Variants in TRAPPC9 observed in about 807,000 individuals in gnomAD.
TRAPPC9 encodes IKK2 binding protein.
In TRAPPC9, 83 loss-of-function variants were observed where a neutral mutation model predicts 124.0. The ratio of observed to expected loss-of-function variants is 0.67; its 90% CI spans 0.56 to 0.80. The LOEUF (loss-of-function observed/expected upper bound fraction) is 0.80. Ranked by LOEUF, TRAPPC9 falls within the 30% of genes least tolerant of loss-of-function variation. The pLI is 0.00. For missense variants in TRAPPC9, 1,302 were observed against 1,508.3 expected (o/e 0.86, Z 2.27); for synonymous variants, 638 against 617.5 (o/e 1.03, Z -0.49).
chr8:140,264,085 A>T (rs2064529586), intron 15 of TRAPPC9, among the ~76,000 whole-genome samples: 1 of 152,224 alleles, frequency 6.6e-6, no homozygotes, highest in African/African-American at 2.4e-5. Context: ...ATTATTTTTA[A>T]GAAAAGAATT....
chr8:139,791,120 C>A (rs542700269), intron 21 of TRAPPC9, among the ~76,000 whole-genome samples: 4 of 152,128 alleles, frequency 2.6e-5, no homozygotes, highest in African/African-American at 9.7e-5. Flanking sequence ...AAGGAAGGCA[C>A]GGGGCTCCCA....
intron 21 of TRAPPC9, 50 bp downstream of exon 21, chr8:139,885,829 G>A: frequency 6.6e-7 from 1 of 1,524,850 alleles, no homozygotes. Context: ...TGCATTTGGA[G>A]AAAAGGAGCA....
chr8:140,073,837 T>C, intron 17 of TRAPPC9, among the ~76,000 whole-genome samples: 1 of 152,220 alleles, frequency 6.6e-6, no homozygotes, highest in East Asian at 1.9e-4. Flanking sequence ...CCTCACATTC[T>C]TCTGTTTACT....
rs1413727309 is a variant in TRAPPC9 at position 140,397,077 on chromosome 8, AAACT to A, written c.1134+539_1134+542del. Among the ~76,000 whole-genome samples the A allele has an allele frequency of 4.6e-5, 7 of 152,356 alleles. No homozygotes were observed. The East Asian group carries it at 5.8e-4, about 13-fold the overall frequency. On this transcript the variant is annotated intron_variant, in intron 7 of 22. Transcript: ENST00000438773. ...TTCCCTATCTATAAAGATCCAAGTT[AAACT>A]AACTAAATATCTAAAATCCTTCTAA...
At chr8:139,966,447 C>A (rs1178602366) in intron 19 of TRAPPC9, among the ~76,000 whole-genome samples, 1 of 152,214 alleles carries the variant, frequency 6.6e-6, no homozygotes, top group Non-Finnish European at 1.5e-5. Flanking sequence ...GCTCCTGCAG[C>A]GGTGGGGCTC....
At chr8:140,391,883 C>T (rs912489460) in intron 7 of TRAPPC9, among the ~76,000 whole-genome samples, 8 of 151,596 alleles carry the variant, frequency 5.3e-5, no homozygotes, top group Admixed American at 3.9e-4. Context: ...AAAAATTAGC[C>T]GGGTGTGGTG....
chr8:139,933,832 G>A (rs913441969), intron 19 of TRAPPC9: 6 of 152,196 alleles, frequency 3.9e-5, no homozygotes, highest in African/African-American at 1.4e-4. Context: ...ACGTAGCCGT[G>A]TGAGCTCCGG....
chr8:139,935,549 G>A (rs1833454183), intron 19 of TRAPPC9, among the ~76,000 whole-genome samples: 1 of 152,160 alleles, frequency 6.6e-6, no homozygotes. Context: ...ATAAAAAAGA[G>A]AGAAGAGGAT....
At chr8:139,819,190 C>T (rs868454871) in intron 21 of TRAPPC9, among the ~76,000 whole-genome samples, 3 of 152,158 alleles carry the variant, frequency 2.0e-5, no homozygotes, top group East Asian at 1.9e-4. Context: ...ATCTAGGCTG[C>T]GTGCTCCTTA....
chr8:140,207,540 T>C (rs1007598634), intron 17 of TRAPPC9, among the ~76,000 whole-genome samples: 1 of 152,248 alleles, frequency 6.6e-6, no homozygotes, highest in African/African-American at 2.4e-5. Flanking sequence ...GTTTTTTTCC[T>C]ACTGTCTTCA....
intron 21 of TRAPPC9, among the ~76,000 whole-genome samples, chr8:139,814,220 G>A (rs1014396415): frequency 1.3e-5 from 2 of 152,258 alleles, no homozygotes; most frequent in Admixed American, 6.5e-5. Flanking sequence ...GTCAAACAGG[G>A]AGAATTATGT....
Position 140,287,627 on chromosome 8 carries a change from A to C in TRAPPC9, c.1962T>G (p.Thr654=). The C allele has an allele frequency of 6.2e-7, 1 of 1,614,180 alleles. No individual in the cohort carries two copies. The highest frequency in any genetic ancestry group is 8.5e-7 in the Non-Finnish European group (1 of 1,180,028). Reference sequence around the variant, plus strand: ...CCTTACCGTTCACAGTAATCGTTCCAGTCGTCTGCGGGACCCCGACGAGCG... The same window carrying C: ...CCTTACCGTTCACAGTAATCGTTCCCGTCGTCTGCGGGACCCCGACGAGCG... ...PVTLVGVPQT[T]GTITVNGYHT... Residue 654 remains threonine (T), a synonymous_variant, in exon 13 of 23, where the codon ACT becomes ACG. Transcript: ENST00000438773.
intron 21 of TRAPPC9, among the ~76,000 whole-genome samples, chr8:139,871,018 A>T (rs1321047834): frequency 6.6e-6 from 1 of 152,140 alleles, no homozygotes; most frequent in Non-Finnish European, 1.5e-5. Context: ...GGTGGTCATG[A>T]AATCAGCTTT....
At chr8:140,045,490 G>A (rs1480751633) in intron 17 of TRAPPC9, among the ~76,000 whole-genome samples, 1 of 151,904 alleles carries the variant, frequency 6.6e-6, no homozygotes, top group Non-Finnish European at 1.5e-5. Flanking sequence ...AGCTGGGTGT[G>A]GCGGCACGCA....
chr8:140,043,061 A>G (rs906259695), intron 17 of TRAPPC9, among the ~76,000 whole-genome samples: 2 of 152,168 alleles, frequency 1.3e-5, no homozygotes, highest in Non-Finnish European at 2.9e-5. Flanking sequence ...TTCCATGGAC[A>G]TCAGCTGTCC....
At chr8:140,126,101 ATGAGGGCATT>A (rs1477650374) in intron 17 of TRAPPC9, among the ~76,000 whole-genome samples, 2 of 152,098 alleles carry the variant, frequency 1.3e-5, no homozygotes, top group African/African-American at 2.4e-5. Context: ...CACAATTCAA[ATGAGGGCATT>A]TTGCGGTACG....
At chr8:140,394,939 T>C (rs2069044835) in intron 7 of TRAPPC9, among the ~76,000 whole-genome samples, 1 of 152,112 alleles carries the variant, frequency 6.6e-6, no homozygotes, top group South Asian at 2.1e-4. Flanking sequence ...CCCGGCGCAG[T>C]GCTGAACCCC....
chr8:139,952,759 A>C (rs548897180), intron 19 of TRAPPC9, among the ~76,000 whole-genome samples: 4 of 152,374 alleles, frequency 2.6e-5, no homozygotes, highest in African/African-American at 9.6e-5. Context: ...TGGTGGCAGC[A>C]GTGACAGTGT....
At chr8:140,332,015 T>C (rs2066905701) in intron 9 of TRAPPC9, among the ~76,000 whole-genome samples, 1 of 152,132 alleles carries the variant, frequency 6.6e-6, no homozygotes, top group African/African-American at 2.4e-5. Context: ...AAGAGATACC[T>C]GCACTCCCAT....
Sources: gnomAD v4.1 joint callset for allele counts (sites outside exome capture counted in the v4.1 genomes callset) on GRCh38, gnomAD v4.1.1 for gene constraint, MANE v1.5 for transcripts, NCBI Gene and HGNC (gene_info 2026-07-23, HGNC 2026-07-21) for gene names.